PGR: variants seen among roughly 807,000 people sequenced by gnomAD.
The protein encoded by PGR is nuclear receptor subfamily 3 group C member 3.
PGR carries 25 observed loss-of-function variants against 76.1 expected under a neutral mutation model. That is an observed-to-expected ratio of 0.33 (90% CI 0.24 to 0.46). The LOEUF is 0.46. Among genes scored for constraint, PGR ranks in the 20% least tolerant of loss-of-function variants. The pLI, the probability that PGR is intolerant of heterozygous loss-of-function variation, is 1.00. For missense variants in PGR, 1,172 were observed against 1,225.3 expected (o/e 0.96, Z 0.65); for synonymous variants, 579 against 535.0 (o/e 1.08, Z -1.14).
At position 101,128,098 on chromosome 11, in the gene PGR, C is replaced by T. The variant is rs769437068; in HGVS notation, c.973G>A (p.Glu325Lys). 6.3e-7 allele frequency: 1 copy of T among 1,599,384 alleles called. No homozygotes were observed. The highest frequency in any genetic ancestry group is 1.1e-5 in the South Asian group (1 of 91,078). Residue 325 changes from glutamate (E) to lysine (K), a missense_variant, in exon 1 of 8, where the codon GAA (glutamate) becomes AAA (lysine). By Grantham distance (56) the Glu-to-Lys change is moderately conservative (BLOSUM62 1). Coordinates refer to ENST00000325455, the MANE Select transcript of PGR (RefSeq NM_000926.4). Reference sequence around the variant, plus strand: ...GCCCCGCCGTCGTAACTTTCGTCTTCCAGCAGCTGCCGAGTGCGGGCTGCC... The same window carrying T: ...GCCCCGCCGTCGTAACTTTCGTCTTTCAGCAGCTGCCGAGTGCGGGCTGCC... ...LLAARTRQLLEDESYDGGAGA... is the reference protein window; with the variant it reads ...LLAARTRQLLKDESYDGGAGA...
intron 4 of PGR, 42 bp from the exon 5 acceptor site, chr11:101,051,610 T>C (rs1175334420): frequency 7.0e-7 from 1 of 1,426,158 alleles, no homozygotes; most frequent in South Asian, 1.1e-5. Context: ...TAAAAATGAC[T>C]GAATTATCTC....
chr11:101,122,335 T>C (rs1172309920), intron 2 of PGR, among the ~76,000 whole-genome samples: 2 of 152,108 alleles, frequency 1.3e-5, no homozygotes, highest in Non-Finnish European at 2.9e-5. Flanking sequence ...AAAATAAAAG[T>C]GTGGCGTTAT....
At chr11:101,089,635 T>C (rs493220) in intron 3 of PGR, among the ~76,000 whole-genome samples, 37,006 of 146,302 alleles carry the variant, frequency 0.25, 5,631 homozygotes, top group Non-Finnish European at 0.35. Flanking sequence ...GGGCTCGATA[T>C]ACAGTTACTG....
chr11:101,060,193 G>A lies in PGR; in HGVS notation c.2212+2254C>T, dbSNP rs559816311. On this transcript the variant is annotated intron_variant, in intron 4 of 7. Transcript: ENST00000325455. ...GTATATTTATATTGTGTGTGTGTGCGTGTGTGTGTGTGTGTCTCACTGTAA... is the reference window on the plus strand; with the variant it reads ...GTATATTTATATTGTGTGTGTGTGCATGTGTGTGTGTGTGTCTCACTGTAA... 1.1e-3 allele frequency among the ~76,000 whole-genome samples: 159 copies of A among 150,890 alleles called. 3 individuals are homozygous for A. The South Asian group carries it at 0.018, about 17-fold the overall frequency.
At chr11:101,096,841 T>C (rs572483) in intron 2 of PGR, among the ~76,000 whole-genome samples, 44,954 of 152,096 alleles carry the variant, frequency 0.3, 6,833 homozygotes, top group Non-Finnish European at 0.31. Context: ...AACATTGTGA[T>C]TCTACAACAA....
At chr11:101,056,063 T>TTAAC (rs1392621156) in intron 4 of PGR, among the ~76,000 whole-genome samples, 1 of 152,216 alleles carries the variant, frequency 6.6e-6, no homozygotes, top group Non-Finnish European at 1.5e-5. Flanking sequence ...TTTTTCCTTA[T>TTAAC]TAACTGTAAT....
chr11:101,107,865 T>TAAAAAAAAAAAAAAAAAAAAAAAAA (rs56355097), intron 2 of PGR, among the ~76,000 whole-genome samples: 10 of 119,286 alleles, frequency 8.4e-5, no homozygotes, highest in African/African-American at 3.3e-4. Flanking sequence ...ACTGGCTTTG[T>TAAAAAAAAAAAAAAAAAAAAAAAAA]AAAAAAAAAA....
intron 3 of PGR, among the ~76,000 whole-genome samples, chr11:101,088,340 T>G (rs868378698): frequency 6.6e-5 from 10 of 152,194 alleles, no homozygotes; most frequent in Non-Finnish European, 1.2e-4. Flanking sequence ...AAAAGACATT[T>G]TTTTTTCTTT....
chr11:101,114,105 T>C (rs1160761113), intron 2 of PGR, among the ~76,000 whole-genome samples: 1 of 152,234 alleles, frequency 6.6e-6, no homozygotes, highest in Non-Finnish European at 1.5e-5. Flanking sequence ...TAAGATTTAA[T>C]ATTTTTAGTC....
At chr11:101,085,478 G>T (rs2135447041) in intron 3 of PGR, among the ~76,000 whole-genome samples, 1 of 106,106 alleles carries the variant, frequency 9.4e-6, no homozygotes, top group East Asian at 3.3e-4. Flanking sequence ...ACCTCAAAAA[G>T]TTAGAAAGAT....
At chr11:101,047,679 T>C (rs1012542502) in intron 6 of PGR, among the ~76,000 whole-genome samples, 1 of 152,146 alleles carries the variant, frequency 6.6e-6, no homozygotes, top group African/African-American at 2.4e-5. Context: ...ACCCTCGGCC[T>C]GAGGTCTTAG....
intron 2 of PGR, among the ~76,000 whole-genome samples, chr11:101,123,382 G>A (rs954279055): frequency 2.0e-5 from 3 of 151,988 alleles, no homozygotes; most frequent in African/African-American, 4.8e-5. Context: ...AGCTCATCAC[G>A]CAGCATTGCT....
chr11:101,113,921 G>C (rs1370219283), intron 2 of PGR, among the ~76,000 whole-genome samples: 1 of 151,982 alleles, frequency 6.6e-6, no homozygotes, highest in Admixed American at 6.6e-5. Context: ...ATAGTACATA[G>C]AGAGGTTCAG....
At position 101,029,786 on chromosome 11, in the gene PGR, A is replaced by G. The variant is rs1859293765; in HGVS notation, c.*9330T>C. ...CTGAGTAGACTGTTTTCTTATGTGA[A>G]CCACAAAATATTTTCTCTGAAATCT... On this transcript the variant is annotated 3_prime_UTR_variant, in exon 8 of 8. Coordinates refer to ENST00000325455, the MANE Select transcript of PGR (RefSeq NM_000926.4). 1 of 216,868 alleles carries G rather than the reference A, an allele frequency of 4.6e-6. No homozygotes were observed. Among genetic ancestry groups the G allele is most frequent in the Non-Finnish European group, 9.2e-6 (1 of 108,302 alleles). 13.4% of individuals were successfully genotyped at this position (216,868 alleles called of 1,614,324 possible).
At chr11:101,080,310 G>A (rs1025947802) in intron 3 of PGR, among the ~76,000 whole-genome samples, 1 of 152,004 alleles carries the variant, frequency 6.6e-6, no homozygotes, top group Non-Finnish European at 1.5e-5. Flanking sequence ...GACCTGCAGA[G>A]CCCAGTATAA....
At chr11:101,040,417 CT>C in intron 7 of PGR, among the ~76,000 whole-genome samples, 1 of 152,160 alleles carries the variant, frequency 6.6e-6, no homozygotes, top group Non-Finnish European at 1.5e-5. Context: ...ATAAGACATC[CT>C]GTAGCAGTTC....
chr11:101,115,643 T>C (rs1441511487), intron 2 of PGR, among the ~76,000 whole-genome samples: 2 of 152,022 alleles, frequency 1.3e-5, no homozygotes, highest in Non-Finnish European at 2.9e-5. Flanking sequence ...TGGTGGTACA[T>C]GCCTGTAATC....
chr11:101,056,614 T>C (rs1256186542), intron 4 of PGR, among the ~76,000 whole-genome samples: 2 of 129,518 alleles, frequency 1.5e-5, no homozygotes, highest in East Asian at 5.2e-4. Flanking sequence ...CACTCCAGCC[T>C]GGGTGACAGA....
intron 2 of PGR, among the ~76,000 whole-genome samples, chr11:101,107,818 G>T (rs1862211666): frequency 7.3e-6 from 1 of 136,796 alleles, no homozygotes. Context: ...TTAAGATTCT[G>T]TTATAACTTT....
Sources: gnomAD v4.1 joint callset for allele counts (sites outside exome capture counted in the v4.1 genomes callset) on GRCh38, gnomAD v4.1.1 for gene constraint, MANE v1.5 for transcripts, NCBI Gene and HGNC (gene_info 2026-07-23, HGNC 2026-07-21) for gene names.